The following COMMD10 variants were observed in gnomAD, a reference collection of about 807,000 sequenced individuals.
The protein encoded by COMMD10 is COMM domain containing 10.
A neutral mutation model predicts 28.9 loss-of-function variants in COMMD10; 33 were observed. The observed-to-expected ratio is 1.14, with a 90% CI of 0.87 to 1.53. The LOEUF (loss-of-function observed/expected upper bound fraction) is 1.53, where lower values mean the gene tolerates loss of function less well. Among genes scored for constraint, COMMD10 ranks in the 40% most tolerant of loss-of-function variants. COMMD10 has a pLI of 0.00. For missense variants in COMMD10, 310 were observed against 233.4 expected (o/e 1.33, Z -2.14); for synonymous variants, 110 against 81.7 (o/e 1.35, Z -1.87).
chr5:116,107,439 T>A (rs1446668469), intron 4 of COMMD10, among the ~76,000 whole-genome samples: 1 of 152,216 alleles, frequency 6.6e-6, no homozygotes, highest in Non-Finnish European at 1.5e-5. Flanking sequence ...ATCTTCAATA[T>A]CTGATATCCT....
intron 5 of COMMD10, among the ~76,000 whole-genome samples, chr5:116,147,799 AT>A (rs1451554951): frequency 2.6e-5 from 4 of 151,940 alleles, no homozygotes; most frequent in African/African-American, 4.8e-5. Context: ...AAATAAAAAA[AT>A]GTAAGAAAAT....
intron 5 of COMMD10, among the ~76,000 whole-genome samples, chr5:116,290,581 A>T (rs565577248): frequency 1.3e-5 from 2 of 152,014 alleles, no homozygotes; most frequent in Non-Finnish European, 2.9e-5. Flanking sequence ...ACTGCGAACT[A>T]GAATAAACAG....
chr5:116,204,346 A>G (rs1339442574), intron 5 of COMMD10, among the ~76,000 whole-genome samples: 1 of 152,198 alleles, frequency 6.6e-6, no homozygotes, highest in African/African-American at 2.4e-5. Context: ...GAAAGGTGAT[A>G]TGAATGGTTC....
intron 5 of COMMD10, among the ~76,000 whole-genome samples, chr5:116,221,383 T>C (rs963171516): frequency 1.3e-5 from 2 of 152,164 alleles, no homozygotes; most frequent in Non-Finnish European, 2.9e-5. Flanking sequence ...TTAAATTCTT[T>C]CTGTGTTACA....
rs535776938 is a variant in COMMD10 at position 116,233,271 on chromosome 5, TTTA to T, written c.511-58239_511-58237del. Among the ~76,000 whole-genome samples the T allele has an allele frequency of 7.6e-4, 115 of 152,238 alleles. 1 individual carries two copies. The highest frequency in any genetic ancestry group is 1.2e-3 in the Non-Finnish European group (81 of 68,000). ...CAGTATATAGTTATAATTATTCTAT[TTTA>T]TTATTAGTTATTGTTAATCTTTTAC... On this transcript the variant is annotated intron_variant, in intron 5 of 6. Transcript: ENST00000274458.
intron 5 of COMMD10, among the ~76,000 whole-genome samples, chr5:116,245,063 T>A (rs927282221): frequency 4.6e-5 from 6 of 131,262 alleles, no homozygotes; most frequent in East Asian, 4.5e-4. Flanking sequence ...AAAAAAAAAA[T>A]TAATAAAATA....
chr5:116,223,685 G>A (rs947441739), intron 5 of COMMD10, among the ~76,000 whole-genome samples: 1 of 152,148 alleles, frequency 6.6e-6, no homozygotes, highest in East Asian at 1.9e-4. Context: ...GAATGTTATT[G>A]GAGTGTAGGA....
At chr5:116,224,424 G>T (rs1195977082) in intron 5 of COMMD10, among the ~76,000 whole-genome samples, 2 of 152,094 alleles carry the variant, frequency 1.3e-5, no homozygotes, top group Non-Finnish European at 2.9e-5. Flanking sequence ...TATTTATTTT[G>T]GCTCATGTTT....
intron 5 of COMMD10, among the ~76,000 whole-genome samples, chr5:116,288,901 T>C (rs1221224844): frequency 1.0e-5 from 1 of 96,820 alleles, no homozygotes; most frequent in Non-Finnish European, 1.9e-5. Context: ...TTTTTTTTTG[T>C]GAGACAGTCT....
At chr5:116,093,819 A>G (rs1750381383) in intron 4 of COMMD10, among the ~76,000 whole-genome samples, 1 of 152,236 alleles carries the variant, frequency 6.6e-6, no homozygotes, top group Non-Finnish European at 1.5e-5. Context: ...TGTTGGTAGA[A>G]AAGCAGACAT....
intron 5 of COMMD10, among the ~76,000 whole-genome samples, chr5:116,153,381 T>C (rs1197540812): frequency 6.6e-6 from 1 of 152,000 alleles, no homozygotes; most frequent in Non-Finnish European, 1.5e-5. Flanking sequence ...AGCTACCTCA[T>C]TGTTTCTTCT....
intron 4 of COMMD10, among the ~76,000 whole-genome samples, chr5:116,093,741 A>C (rs962908079): frequency 1.3e-5 from 2 of 152,220 alleles, no homozygotes; most frequent in Non-Finnish European, 2.9e-5. Flanking sequence ...AAAAAGAACA[A>C]AGCTGGAGGC....
At chr5:116,268,868 A>C (rs912586564) in intron 5 of COMMD10, among the ~76,000 whole-genome samples, 1 of 151,372 alleles carries the variant, frequency 6.6e-6, no homozygotes, top group Admixed American at 6.6e-5. Context: ...AACACCGCAT[A>C]TTCTCACTCA....
intron 5 of COMMD10, among the ~76,000 whole-genome samples, chr5:116,219,295 T>C (rs370779139): frequency 6.6e-6 from 1 of 152,222 alleles, no homozygotes; most frequent in African/African-American, 2.4e-5. Flanking sequence ...TTTCTCCCTT[T>C]CCCTTCCCCT....
intron 5 of COMMD10, among the ~76,000 whole-genome samples, chr5:116,173,814 G>GT (rs1309781894): frequency 6.9e-6 from 1 of 144,858 alleles, no homozygotes; most frequent in Non-Finnish European, 1.5e-5. Context: ...TTTTCCAACT[G>GT]TTTTTGGGTT....
At chr5:116,193,291 G>A (rs1160435244) in intron 5 of COMMD10, among the ~76,000 whole-genome samples, 1 of 152,096 alleles carries the variant, frequency 6.6e-6, no homozygotes, top group Non-Finnish European at 1.5e-5. Context: ...ACAAAGAGCC[G>A]GATGAATGCA....
intron 5 of COMMD10, among the ~76,000 whole-genome samples, chr5:116,215,848 T>G (rs1014943267): frequency 2.6e-5 from 4 of 151,070 alleles, no homozygotes; most frequent in Non-Finnish European, 5.9e-5. Flanking sequence ...TGTGGAGTCT[T>G]CTTTTAAAAA....
intron 1 of COMMD10, among the ~76,000 whole-genome samples, chr5:116,087,237 T>C (rs4921056): frequency 0.64 from 97,236 of 151,974 alleles, 31,729 homozygotes; most frequent in Non-Finnish European, 0.72. Context: ...CAGTACAAGG[T>C]TTCCCTAGTA....
At chr5:116,174,496 A>G (rs1753437716) in intron 5 of COMMD10, among the ~76,000 whole-genome samples, 1 of 152,170 alleles carries the variant, frequency 6.6e-6, no homozygotes, top group African/African-American at 2.4e-5. Flanking sequence ...AACAGATTGC[A>G]AGGGAGCAAT....
Sources: gnomAD v4.1 joint callset for allele counts (sites outside exome capture counted in the v4.1 genomes callset) on GRCh38, gnomAD v4.1.1 for gene constraint, MANE v1.5 for transcripts, NCBI Gene and HGNC (gene_info 2026-07-23, HGNC 2026-07-21) for gene names.